SND1: variants seen among roughly 807,000 people sequenced by gnomAD.
SND1 encodes the protein staphylococcal nuclease domain-containing protein 1.
Under a neutral mutation model 121.7 loss-of-function variants are expected in SND1, and 38 were observed. The observed-to-expected ratio is 0.31, with a 90% CI of 0.24 to 0.41. The LOEUF (loss-of-function observed/expected upper bound fraction) is 0.41. Ranked by LOEUF, SND1 falls within the 10% of genes least tolerant of loss-of-function variation. The pLI, the probability that SND1 is intolerant of heterozygous loss-of-function variation, is 1.00. For synonymous variants in SND1, 401 were observed against 447.4 expected, an observed-to-expected ratio of 0.90 and a Z score of 1.31; for missense variants, 868 against 1,184.6, an observed-to-expected ratio of 0.73 and a Z score of 3.92.
intron 11 of SND1, among the ~76,000 whole-genome samples, chr7:127,813,799 G>A (rs1413969806): frequency 2.0e-5 from 3 of 152,120 alleles, no homozygotes; most frequent in African/African-American, 7.2e-5. Flanking sequence ...CTGACCTCAG[G>A]TGATCCACCT....
intron 10 of SND1, among the ~76,000 whole-genome samples, chr7:127,743,030 AC>A (rs1174740448): frequency 6.6e-6 from 1 of 151,544 alleles, no homozygotes; most frequent in African/African-American, 2.4e-5. Context: ...TAACATGTTA[AC>A]CCCCCACCCC....
chr7:127,954,531 CCTCT>C (rs894719154), intron 15 of SND1, among the ~76,000 whole-genome samples: 5 of 152,058 alleles, frequency 3.3e-5, no homozygotes, highest in East Asian at 1.9e-4. Context: ...ATGGAGCAGC[CCTCT>C]CTCTCTTTCC....
chr7:127,714,858 G>C (rs573833449), intron 9 of SND1, among the ~76,000 whole-genome samples: 17 of 152,298 alleles, frequency 1.1e-4, no homozygotes, highest in Admixed American at 4.6e-4. Flanking sequence ...ATATTCCATT[G>C]TATGTGTATA....
intron 10 of SND1, among the ~76,000 whole-genome samples, chr7:127,764,316 G>A (rs1453525274): frequency 6.6e-6 from 1 of 152,236 alleles, no homozygotes; most frequent in African/African-American, 2.4e-5. Context: ...CACACATTAT[G>A]TGTACTTCCA....
At chr7:127,880,716 G>GTT (rs1554438726) in intron 12 of SND1, among the ~76,000 whole-genome samples, 1 of 149,512 alleles carries the variant, frequency 6.7e-6, no homozygotes, top group African/African-American at 2.5e-5. Context: ...AGAATGCAGG[G>GTT]GTGTGTGTGT....
intron 16 of SND1, among the ~76,000 whole-genome samples, chr7:128,036,402 C>G (rs530093932): frequency 2.2e-4 from 34 of 152,304 alleles, no homozygotes; most frequent in African/African-American, 8.2e-4. Flanking sequence ...ATTCCTGGAG[C>G]CTGATGATTC....
At chr7:128,091,534 GC>G (rs1793780227) in intron 22 of SND1, among the ~76,000 whole-genome samples, 2 of 152,222 alleles carry the variant, frequency 1.3e-5, no homozygotes, top group South Asian at 4.1e-4. Context: ...AAATGGGGTT[GC>G]CCGAGACCTC....
Position 127,929,662 on chromosome 7 carries a change from A to C in SND1, c.1669+333A>C, listed in dbSNP as rs7790113. On this transcript the variant is annotated intron_variant, in intron 15 of 23. Coordinates refer to ENST00000354725, the MANE Select transcript of SND1 (RefSeq NM_014390.4). ...TTCTCAGAGTTGGCCTTCATTACCC[A>C]CTTGAAACAGACTGCCCATGCTATG... Among the ~76,000 whole-genome samples the C allele has an allele frequency of 8.1e-3, 1,232 of 152,216 alleles. 20 individuals carry two copies. Among genetic ancestry groups the C allele is most frequent in the African/African-American group, 0.028 (1,151 of 41,530 alleles).
At chr7:128,073,679 A>C (rs1157867225) in intron 16 of SND1, among the ~76,000 whole-genome samples, 1 of 152,216 alleles carries the variant, frequency 6.6e-6, no homozygotes, top group African/African-American at 2.4e-5. Context: ...CCCCTTTAGC[A>C]GGGAAAGAAA....
intron 4 of SND1, among the ~76,000 whole-genome samples, chr7:127,699,177 A>G (rs936493185): frequency 1.1e-4 from 16 of 152,190 alleles, no homozygotes; most frequent in Admixed American, 8.5e-4. Context: ...AGGCAATTCT[A>G]TTCTTCATAT....
intron 1 of SND1, among the ~76,000 whole-genome samples, chr7:127,683,472 C>T (rs1246243833): frequency 6.6e-6 from 1 of 152,152 alleles, no homozygotes; most frequent in African/African-American, 2.4e-5. Context: ...TCGCCTCGTC[C>T]TCCCAAAGTG....
intron 12 of SND1, among the ~76,000 whole-genome samples, chr7:127,865,419 G>A (rs1225841058): frequency 1.3e-5 from 2 of 152,176 alleles, no homozygotes; most frequent in African/African-American, 2.4e-5. Context: ...TTGTTTGTCT[G>A]TCTTTGGAAA....
intron 3 of SND1, among the ~76,000 whole-genome samples, chr7:127,697,913 A>G (rs139910273): frequency 7.9e-5 from 12 of 152,190 alleles, no homozygotes; most frequent in Middle Eastern, 3.4e-3. Context: ...ATTATCTTGG[A>G]GCTTGTTCTC....
chr7:127,691,806 T>G (rs1795923284), intron 2 of SND1, among the ~76,000 whole-genome samples: 1 of 149,814 alleles, frequency 6.7e-6, no homozygotes, highest in Non-Finnish European at 1.5e-5. Flanking sequence ...TTTTTGTATT[T>G]TCAGTAGAGA....
chr7:128,062,183 G>A (rs371242571), intron 16 of SND1, among the ~76,000 whole-genome samples: 1 of 152,192 alleles, frequency 6.6e-6, no homozygotes, highest in African/African-American at 2.4e-5. Flanking sequence ...GCTTTTGTGT[G>A]GATCAGAAAA....
intron 2 of SND1, among the ~76,000 whole-genome samples, chr7:127,689,209 A>G (rs1397588249): frequency 1.3e-4 from 20 of 152,228 alleles, no homozygotes; most frequent in Admixed American, 1.2e-3. Flanking sequence ...GGTAATCACT[A>G]CTACTGCTTG....
chr7:127,908,290 A>G (rs1047481045), intron 14 of SND1, among the ~76,000 whole-genome samples: 16 of 147,230 alleles, frequency 1.1e-4, no homozygotes, highest in African/African-American at 4.0e-4. Context: ...GTGAGACCCC[A>G]TCTCTACCAA....
intron 16 of SND1, among the ~76,000 whole-genome samples, chr7:128,000,343 G>A (rs1023916385): frequency 8.0e-5 from 12 of 150,578 alleles, no homozygotes; most frequent in African/African-American, 2.9e-4. Flanking sequence ...ACAGACTTGA[G>A]TGTGAGCTTG....
chr7:127,781,698 A>C (rs1234227267), intron 10 of SND1, among the ~76,000 whole-genome samples: 1 of 152,196 alleles, frequency 6.6e-6, no homozygotes, highest in Non-Finnish European at 1.5e-5. Flanking sequence ...CCTTAGAGCA[A>C]ATTAGCCAGA....
Sources: gnomAD v4.1 joint callset for allele counts (sites outside exome capture counted in the v4.1 genomes callset) on GRCh38, gnomAD v4.1.1 for gene constraint, MANE v1.5 for transcripts, NCBI Gene and HGNC (gene_info 2026-07-23, HGNC 2026-07-21) for gene names.